The following PIK3R3 variants were observed in gnomAD, a reference collection of about 807,000 sequenced individuals.
PIK3R3 encodes phosphatidylinositol 3-kinase regulatory subunit gamma.
PIK3R3 carries 64 observed loss-of-function variants against 62.9 expected under a neutral mutation model. That is an observed-to-expected ratio of 1.02 (90% confidence interval 0.83 to 1.25). The LOEUF (loss-of-function observed/expected upper bound fraction) is 1.25, where lower values mean the gene tolerates loss of function less well. PIK3R3 is among the 50% of genes most tolerant of loss of function. PIK3R3 has a pLI of 0.00. For missense variants in PIK3R3, 614 were observed against 561.6 expected (o/e 1.09, Z -0.94); for synonymous variants, 165 against 189.0 (o/e 0.87, Z 1.04).
chr1:46,147,440 A>G, the PIK3R3 span, among the ~76,000 whole-genome samples: 4 of 148,716 alleles, frequency 2.7e-5, no homozygotes, highest in South Asian at 8.6e-4. Flanking sequence ...TTGTTTTGAG[A>G]CGGAGTCTCG....
At chr1:46,116,424 A>T (rs1654193583) in intron 1 of PIK3R3, among the ~76,000 whole-genome samples, 2 of 152,250 alleles carry the variant, frequency 1.3e-5, no homozygotes, top group Admixed American at 1.3e-4. Flanking sequence ...AGGCTGAGGG[A>T]GGAGGATCCC....
At chr1:46,125,274 A>G (rs1024532479) in intron 1 of PIK3R3, among the ~76,000 whole-genome samples, 3 of 152,174 alleles carry the variant, frequency 2.0e-5, no homozygotes, top group Non-Finnish European at 2.9e-5. Flanking sequence ...ATCTTTTTCA[A>G]TAAGAAGACA....
intron 1 of PIK3R3, among the ~76,000 whole-genome samples, chr1:46,109,083 C>T (rs537199792): frequency 2.0e-5 from 3 of 150,870 alleles, no homozygotes; most frequent in Admixed American, 1.3e-4. Context: ...GGCATGAACC[C>T]GGGAGGTGGA....
At chr1:46,164,456 C>T in the PIK3R3 span, among the ~76,000 whole-genome samples, 126 of 152,290 alleles carry the variant, frequency 8.3e-4, no homozygotes, top group Middle Eastern at 0.027. Flanking sequence ...CCTTGACTCC[C>T]CACTGCCCCA....
intron 1 of PIK3R3, among the ~76,000 whole-genome samples, chr1:46,109,511 T>C (rs1056384757): frequency 3.3e-5 from 5 of 151,790 alleles, no homozygotes; most frequent in Middle Eastern, 3.4e-3. Context: ...TGAGATGGAG[T>C]CTCCGCCTGT....
chr1:46,144,505 C>A, the PIK3R3 span, among the ~76,000 whole-genome samples: 1 of 152,240 alleles, frequency 6.6e-6, no homozygotes, highest in Admixed American at 6.5e-5. Flanking sequence ...TGCGGTGGCT[C>A]ATGCCTGCAA....
the PIK3R3 span, among the ~76,000 whole-genome samples, chr1:46,159,701 T>C: frequency 4.6e-5 from 7 of 151,210 alleles, no homozygotes; most frequent in African/African-American, 7.3e-5. Flanking sequence ...GTTATCCCCG[T>C]CCTGCACCTG....
the PIK3R3 span, among the ~76,000 whole-genome samples, chr1:46,172,622 T>A: frequency 6.6e-6 from 1 of 152,142 alleles, no homozygotes; most frequent in Admixed American, 6.5e-5. Flanking sequence ...CCCAGGAGAC[T>A]GAGGCTGCAG....
chr1:46,139,018 T>C, the PIK3R3 span: 4 of 152,232 alleles, frequency 2.6e-5, no homozygotes, highest in African/African-American at 4.8e-5. Context: ...CATGGGTGTA[T>C]ACGTTCAAAA....
chr1:46,074,315 A>C (rs935032895), intron 3 of PIK3R3, among the ~76,000 whole-genome samples: 39 of 63,044 alleles, frequency 6.2e-4, no homozygotes, highest in African/African-American at 2.2e-3. Context: ...AAAAAAAAAA[A>C]AACCAATAAA....
the PIK3R3 span, among the ~76,000 whole-genome samples, chr1:46,144,926 C>A: frequency 6.6e-6 from 1 of 151,590 alleles, no homozygotes; most frequent in African/African-American, 2.4e-5. Flanking sequence ...GAGTTTGAGA[C>A]CAACTTGACC....
chr1:46,096,714 T>C (rs989925010), intron 1 of PIK3R3, among the ~76,000 whole-genome samples: 1 of 151,458 alleles, frequency 6.6e-6, no homozygotes, highest in Non-Finnish European at 1.5e-5. Flanking sequence ...CTGGCCAACA[T>C]GGTGAAATCC....
the PIK3R3 span, among the ~76,000 whole-genome samples, chr1:46,149,251 C>T: frequency 6.6e-6 from 1 of 151,766 alleles, no homozygotes; most frequent in African/African-American, 2.4e-5. Context: ...AGTGAAACCC[C>T]ATCTTTACAA....
chr1:46,142,866 G>T, the PIK3R3 span, among the ~76,000 whole-genome samples: 3 of 152,186 alleles, frequency 2.0e-5, no homozygotes, highest in Non-Finnish European at 4.4e-5. Context: ...GAGTTTAGGA[G>T]TTTTAAGCAG....
At chr1:46,065,876 C>T (rs112036442) in intron 5 of PIK3R3, among the ~76,000 whole-genome samples, 178 bp downstream of exon 5, 19 of 152,220 alleles carry the variant, frequency 1.2e-4, no homozygotes, top group African/African-American at 4.3e-4. Flanking sequence ...TTAACTGATA[C>T]AAATTATATC....
chr1:46,131,855 T>C lies in PIK3R3; in HGVS notation c.98A>G (p.Asp33Gly). ...STELIFYIEM[D>G]PPALPPKPPK... ...TTTTTTCTCCCAAGTACCTGGAGGATCCATTTCAATATAAAATATCAGTTC... is the reference window on the plus strand; with the variant it reads ...TTTTTTCTCCCAAGTACCTGGAGGACCCATTTCAATATAAAATATCAGTTC... The change falls in exon 1 of 10, where the codon GAT (aspartate) becomes GGT (glycine). Residue 33 changes from aspartate to glycine, a missense_variant. By Grantham distance (94) the Asp-to-Gly change is moderately conservative (BLOSUM62 -1). Transcript: ENST00000262741. 1 of 1,612,144 alleles carries C rather than the reference T, an allele frequency of 6.2e-7. No homozygotes were observed. The highest frequency in any genetic ancestry group is 8.5e-7 in the Non-Finnish European group (1 of 1,178,698).
chr1:46,141,841 T>C, the PIK3R3 span, among the ~76,000 whole-genome samples: 1 of 152,154 alleles, frequency 6.6e-6, no homozygotes, highest in Non-Finnish European at 1.5e-5. Context: ...ACAGTCTACT[T>C]CTGCTCTTAT....
intron 1 of PIK3R3, among the ~76,000 whole-genome samples, chr1:46,119,773 A>ATTT (rs749113212): frequency 6.4e-5 from 8 of 124,308 alleles, no homozygotes; most frequent in African/African-American, 8.7e-5. Flanking sequence ...CCAACTCCTA[A>ATTT]TTTTTTTTTT....
chr1:46,058,962 C>A (rs547464746), intron 6 of PIK3R3, among the ~76,000 whole-genome samples: 1 of 152,280 alleles, frequency 6.6e-6, no homozygotes, highest in East Asian at 1.9e-4. Flanking sequence ...ACCCGAATCT[C>A]CTCTTGAATT....
Sources: gnomAD v4.1 joint callset for allele counts (sites outside exome capture counted in the v4.1 genomes callset) on GRCh38, gnomAD v4.1.1 for gene constraint, MANE v1.5 for transcripts, NCBI Gene and HGNC (gene_info 2026-07-23, HGNC 2026-07-21) for gene names.